PCDHA8: variants seen among roughly 807,000 people sequenced by gnomAD.
PCDHA8 encodes protocadherin alpha 8.
Under a neutral mutation model 61.8 loss-of-function variants are expected in PCDHA8, and 53 were observed. The observed-to-expected ratio is 0.86, with a 90% confidence interval of 0.69 to 1.08. The LOEUF (loss-of-function observed/expected upper bound fraction) is 1.08, where lower values mean the gene tolerates loss of function less well. Among genes scored for constraint, PCDHA8 ranks in the 50% least tolerant of loss-of-function variants. PCDHA8 has a pLI of 0.00. For synonymous variants in PCDHA8, 618 were observed against 556.6 expected (o/e 1.11, Z -1.55); for missense variants, 1,293 against 1,245.0 (o/e 1.04, Z -0.58).
Position 140,881,767 on chromosome 5 carries a change from C to T in PCDHA8, c.2394+38052C>T, listed in dbSNP as rs923432967. Among the ~76,000 whole-genome samples, 13 of 152,322 alleles carry T rather than the reference C, an allele frequency of 8.5e-5. No homozygotes were observed. In the East Asian group the frequency reaches 2.1e-3, roughly 25 times the overall value. On this transcript the variant is annotated intron_variant, in intron 1 of 3. Coordinates refer to ENST00000531613, the MANE Select transcript of PCDHA8 (RefSeq NM_018911.3). ...GACAGTACCACAAAAACCTACATGA[C>T]TATGCAGAACTACCGATCAATTGTC...
At chr5:140,855,829 C>T in intron 1 of PCDHA8, 1 of 560,296 alleles carries the variant, frequency 1.8e-6, no homozygotes. Flanking sequence ...CTCATGGAAT[C>T]GTACTTACAC....
At chr5:140,897,100 A>G (rs10054072) in intron 1 of PCDHA8, among the ~76,000 whole-genome samples, 2,117 of 151,950 alleles carry the variant, frequency 0.014, 42 homozygotes, top group African/African-American at 0.049. Context: ...CTCATTAAAA[A>G]TCTCCACTTT....
At chr5:140,845,616 T>C (rs1554140941) in intron 1 of PCDHA8, among the ~76,000 whole-genome samples, 1 of 149,626 alleles carries the variant, frequency 6.7e-6, no homozygotes, top group Non-Finnish European at 1.5e-5. Flanking sequence ...TATTGTGGAT[T>C]CTGAAGCTCT....
chr5:140,982,584 C>T (rs1554244599), intron 3 of PCDHA8, 21 bp downstream of exon 3: 1 of 1,612,032 alleles, frequency 6.2e-7, no homozygotes, highest in East Asian at 2.2e-5. Flanking sequence ...GGGGTCTCTC[C>T]ATTCTTTCTT....
chr5:140,851,315 T>G lies in PCDHA8; in HGVS notation c.2394+7600T>G. ...GCAAAAATATATAGCAATTGTTACC[T>G]TGTTAAGTTTGTAGTTCTCTACATT... On this transcript the variant is annotated intron_variant, in intron 1 of 3. Coordinates refer to ENST00000531613, the MANE Select transcript of PCDHA8 (RefSeq NM_018911.3). 7.1e-6 allele frequency: 7 copies of G among 992,586 alleles called. 1 individual carries two copies. The highest frequency in any genetic ancestry group is 8.6e-6 in the Non-Finnish European group (7 of 809,654). 61.5% of individuals were successfully genotyped at this position (992,586 alleles called of 1,614,324 possible).
At chr5:140,904,754 C>G (rs2071365435) in intron 1 of PCDHA8, among the ~76,000 whole-genome samples, 1 of 152,068 alleles carries the variant, frequency 6.6e-6, no homozygotes, top group South Asian at 2.1e-4. Context: ...ACCATTTTTG[C>G]AAGAATAAGA....
At chr5:140,982,650 CTCTTTT>C (rs2096993978) in intron 3 of PCDHA8, 87 bp downstream of exon 3, 1 of 1,507,000 alleles carries the variant, frequency 6.6e-7, no homozygotes, top group South Asian at 1.3e-5. Context: ...ATGTTGATGG[CTCTTTT>C]TCTTTTATAT....
Position 140,883,115 on chromosome 5 carries a change from AGGCCTGTAT to A in PCDHA8, c.2394+39407_2394+39415del, listed in dbSNP as rs2059447979. The A allele has an allele frequency of 1.9e-6, 3 of 1,613,978 alleles. No homozygotes were observed. The South Asian group carries it at 3.3e-5, about 18-fold the overall frequency. ...TGGAGATATAGTTTACTCATTTAGA[AGGCCTGTAT>A]GGCCTGCAGTGGTATATGCATTTAC... On this transcript the variant is annotated intron_variant, in intron 1 of 3. Transcript: ENST00000531613.
intron 1 of PCDHA8, among the ~76,000 whole-genome samples, chr5:140,896,022 G>A (rs940712653): frequency 6.6e-6 from 1 of 152,136 alleles, no homozygotes; most frequent in East Asian, 1.9e-4. Context: ...TGTTGGCCAG[G>A]CTGGTCTCGA....
At chr5:140,907,975 G>A (rs1242073777) in intron 1 of PCDHA8, among the ~76,000 whole-genome samples, 1 of 152,154 alleles carries the variant, frequency 6.6e-6, no homozygotes, top group Non-Finnish European at 1.5e-5. Flanking sequence ...TTCCAATCAT[G>A]CTTCTTCCAA....
intron 1 of PCDHA8, among the ~76,000 whole-genome samples, chr5:140,895,524 G>A (rs891938988): frequency 2.3e-4 from 35 of 152,128 alleles, no homozygotes; most frequent in African/African-American, 7.2e-4. Context: ...TGGTTTATTC[G>A]TTTTTCAATT....
rs1007978772 is a variant in PCDHA8 at position 140,843,987 on chromosome 5, G to C, written c.2394+272G>C. 1.2e-4 allele frequency among the ~76,000 whole-genome samples: 18 copies of C among 149,540 alleles called. 1 individual carries two copies. Among genetic ancestry groups the C allele is most frequent in the African/African-American group, 4.2e-4 (17 of 40,920 alleles). On this transcript the variant is annotated intron_variant, in intron 1 of 3. Transcript: ENST00000531613. ...ATTTATTTTGGCCTGCCTTACAGCCGTCTTCTCTGAACAATACTCTAAGGA... is the reference window on the plus strand; with the variant it reads ...ATTTATTTTGGCCTGCCTTACAGCCCTCTTCTCTGAACAATACTCTAAGGA...
In PCDHA8 at chr5:140,844,942, G is replaced by GGACTCT. The variant is rs2150375378; in HGVS notation, c.2394+1230_2394+1235dup. On this transcript the variant is annotated intron_variant, in intron 1 of 3. Transcript: ENST00000531613. ...GATGGAAGGGAATGAACGATTTCTG[G>GGACTCT]GACTCTGAATTCTTACAGTTTGTTA... Among the ~76,000 whole-genome samples, 244 of 149,148 alleles carry GGACTCT rather than the reference G, an allele frequency of 1.6e-3. 12 individuals are homozygous for GGACTCT. The highest frequency in any genetic ancestry group is 2.1e-3 in the Non-Finnish European group (141 of 66,614).
intron 1 of PCDHA8, among the ~76,000 whole-genome samples, chr5:140,962,298 A>T (rs2095671297): frequency 6.6e-6 from 1 of 152,204 alleles, no homozygotes; most frequent in South Asian, 2.1e-4. Context: ...ATATTCTATG[A>T]TTCTTGTTAG....
intron 3 of PCDHA8, among the ~76,000 whole-genome samples, chr5:140,992,594 G>A (rs782416770): frequency 2.6e-5 from 4 of 152,148 alleles, no homozygotes; most frequent in Non-Finnish European, 2.9e-5. Flanking sequence ...TGCATCTAGC[G>A]TCTGTGTCTA....
At chr5:140,892,086 C>T (rs965682257) in intron 1 of PCDHA8, among the ~76,000 whole-genome samples, 1 of 152,156 alleles carries the variant, frequency 6.6e-6, no homozygotes, top group Non-Finnish European at 1.5e-5. Context: ...CTAGTTTCCT[C>T]TCGAAACTTT....
At chr5:140,938,536 G>T (rs1443736475) in intron 1 of PCDHA8, among the ~76,000 whole-genome samples, 2 of 140,060 alleles carry the variant, frequency 1.4e-5, no homozygotes, top group Non-Finnish European at 3.2e-5. Context: ...TGGATAATAT[G>T]GATTTTTATC....
chr5:140,862,977 T>A, intron 1 of PCDHA8: 1 of 545,432 alleles, frequency 1.8e-6, no homozygotes, highest in East Asian at 4.8e-5. Context: ...GGCCACTTGG[T>A]GGCGAAGGTG....
At chr5:140,876,558 T>C in intron 1 of PCDHA8, 1 of 1,614,216 alleles carries the variant, frequency 6.2e-7, no homozygotes, top group Non-Finnish European at 8.5e-7. Flanking sequence ...TGCAAGAGGA[T>C]GCTCAGGTGG....
Sources: allele counts gnomAD v4.1 joint callset (sites outside exome capture counted in the v4.1 genomes callset), GRCh38; gene constraint gnomAD v4.1.1; transcripts MANE v1.5; gene names NCBI Gene and HGNC (gene_info 2026-07-23, HGNC 2026-07-21).